The following NIPAL2 variants were observed in gnomAD, a reference collection of about 807,000 sequenced individuals.
NIPAL2 encodes the protein NIPA like domain containing 2.
Under a neutral mutation model 48.9 loss-of-function variants are expected in NIPAL2, and 43 were observed. That is an observed-to-expected ratio of 0.88 (90% CI 0.69 to 1.13). The LOEUF (loss-of-function observed/expected upper bound fraction) is 1.13. NIPAL2 is among the 50% of genes most tolerant of loss of function. The pLI is 0.00. For synonymous variants in NIPAL2, 167 were observed against 174.6 expected (o/e 0.96, Z 0.34); for missense variants, 446 against 461.4 (o/e 0.97, Z 0.31).
Position 98,192,860 on chromosome 8 carries a change from C to T in NIPAL2, c.*118G>A, listed in dbSNP as rs1810359713. 1 of 677,538 alleles carries T rather than the reference C, an allele frequency of 1.5e-6. No individual in the cohort carries two copies. The highest frequency in any genetic ancestry group is 2.3e-5 in the Admixed American group (1 of 44,142). 42.0% of individuals were successfully genotyped at this position (677,538 alleles called of 1,614,324 possible). On this transcript the variant is annotated 3_prime_UTR_variant, in exon 11 of 11. Transcript: ENST00000430223. ...ATAGACGCTGAGGTGGGGGAAAGGA[C>T]TGAAATGAATGCTAGCACATGTTAG... is the stretch of plus-strand genomic sequence containing the variant.
chr8:98,198,702 C>T (rs1334633162), intron 8 of NIPAL2, among the ~76,000 whole-genome samples: 6 of 152,226 alleles, frequency 3.9e-5, no homozygotes, highest in African/African-American at 7.2e-5. Context: ...CCTCATCAAC[C>T]AACCTCTGAT....
At chr8:98,213,047 T>A (rs1209470210) in intron 5 of NIPAL2, among the ~76,000 whole-genome samples, 1 of 152,224 alleles carries the variant, frequency 6.6e-6, no homozygotes, top group Non-Finnish European at 1.5e-5. Context: ...ACAATTTGGA[T>A]AATGAAATAT....
chr8:98,242,281 G>A (rs1417675388), intron 3 of NIPAL2, among the ~76,000 whole-genome samples: 4 of 151,924 alleles, frequency 2.6e-5, no homozygotes, highest in Non-Finnish European at 2.9e-5. Flanking sequence ...CTGAGCTCAC[G>A]TGATTCTCCC....
At chr8:98,209,445 C>CAA (rs33923448) in intron 6 of NIPAL2, among the ~76,000 whole-genome samples, 36 of 70,472 alleles carry the variant, frequency 5.1e-4, no homozygotes, top group African/African-American at 8.6e-4. Context: ...CCTGTCTCTC[C>CAA]AAAAAAAAAA....
At chr8:98,205,479 T>TG (rs1024775636) in intron 6 of NIPAL2, among the ~76,000 whole-genome samples, 4 of 131,308 alleles carry the variant, frequency 3.0e-5, no homozygotes, top group African/African-American at 6.6e-5. Context: ...TGACTGTGTG[T>TG]TTTTTTTTTT....
intron 1 of NIPAL2, among the ~76,000 whole-genome samples, chr8:98,282,820 G>T (rs1815922711): frequency 6.6e-6 from 1 of 152,306 alleles, no homozygotes; most frequent in South Asian, 2.1e-4. Context: ...TAATTGAGTT[G>T]TCTGCAATAC....
intron 3 of NIPAL2, among the ~76,000 whole-genome samples, chr8:98,246,130 G>A (rs1295123257): frequency 6.6e-6 from 1 of 152,116 alleles, no homozygotes; most frequent in African/African-American, 2.4e-5. Flanking sequence ...CCTTTCATTT[G>A]TTTCTAATAA....
chr8:98,205,900 A>G, intron 6 of NIPAL2, among the ~76,000 whole-genome samples: 1 of 152,202 alleles, frequency 6.6e-6, no homozygotes, highest in South Asian at 2.1e-4. Context: ...AGGGTGGACC[A>G]TCAATTTAAG....
chr8:98,204,211 C>A (rs1188115605), intron 7 of NIPAL2, among the ~76,000 whole-genome samples: 9 of 152,150 alleles, frequency 5.9e-5, no homozygotes, highest in Non-Finnish European at 1.5e-5. Context: ...ATAGCAAATG[C>A]AAGTATTAGA....
At chr8:98,211,820 C>T (rs1275838909) in intron 6 of NIPAL2, among the ~76,000 whole-genome samples, 1 of 135,290 alleles carries the variant, frequency 7.4e-6, no homozygotes, top group East Asian at 2.2e-4. Context: ...GACAGAGAGA[C>T]AGAAAGACAC....
chr8:98,205,898 C>A (rs1214465347), intron 6 of NIPAL2, among the ~76,000 whole-genome samples: 1 of 152,072 alleles, frequency 6.6e-6, no homozygotes, highest in Non-Finnish European at 1.5e-5. Context: ...TCAGGGTGGA[C>A]CATCAATTTA....
intron 1 of NIPAL2, among the ~76,000 whole-genome samples, chr8:98,283,276 A>G (rs1245818388): frequency 1.3e-5 from 2 of 152,248 alleles, no homozygotes; most frequent in Non-Finnish European, 2.9e-5. Context: ...GAGAAATGTA[A>G]GTCTCAGCAG....
intron 1 of NIPAL2, among the ~76,000 whole-genome samples, chr8:98,263,122 C>T (rs981652813): frequency 2.1e-5 from 3 of 143,386 alleles, no homozygotes; most frequent in African/African-American, 7.8e-5. Flanking sequence ...GGGACGCATT[C>T]AAAGCAGTGT....
chr8:98,266,254 C>A (rs1230758805), intron 1 of NIPAL2, among the ~76,000 whole-genome samples: 2 of 142,260 alleles, frequency 1.4e-5, no homozygotes, highest in South Asian at 2.3e-4. Context: ...GCACAATGTG[C>A]ACATGTACCC....
intron 1 of NIPAL2, 149 bp downstream of exon 1, chr8:98,293,854 G>A (rs980473217): frequency 2.7e-6 from 2 of 738,500 alleles, no homozygotes; most frequent in Non-Finnish European, 1.9e-6. Flanking sequence ...GTCAATGCGG[G>A]AAACATTGCA....
At chr8:98,202,184 C>A (rs2130699539) in intron 8 of NIPAL2, among the ~76,000 whole-genome samples, 1 of 152,324 alleles carries the variant, frequency 6.6e-6, no homozygotes, top group South Asian at 2.1e-4. Context: ...AAAATAGAGG[C>A]CAGAATAGCA....
chr8:98,206,068 C>G (rs913849762), intron 6 of NIPAL2, among the ~76,000 whole-genome samples: 2 of 152,172 alleles, frequency 1.3e-5, no homozygotes, highest in Non-Finnish European at 2.9e-5. Flanking sequence ...GCAACATCAT[C>G]TTTCTGTAAG....
chr8:98,290,223 G>T (rs1351561506), intron 1 of NIPAL2, among the ~76,000 whole-genome samples: 1 of 152,156 alleles, frequency 6.6e-6, no homozygotes, highest in African/African-American at 2.4e-5. Flanking sequence ...ACAAATGTCA[G>T]TCTCCTCACT....
intron 4 of NIPAL2, among the ~76,000 whole-genome samples, chr8:98,225,909 T>C (rs1486754260): frequency 1.3e-5 from 2 of 152,022 alleles, no homozygotes; most frequent in African/African-American, 4.8e-5. Context: ...CTTTTTATTC[T>C]TTTTTTGTCT....
Sources: gnomAD v4.1 joint callset for allele counts (sites outside exome capture counted in the v4.1 genomes callset) on GRCh38, gnomAD v4.1.1 for gene constraint, MANE v1.5 for transcripts, NCBI Gene and HGNC (gene_info 2026-07-23, HGNC 2026-07-21) for gene names.